Variants in RIPOR2 observed in about 807,000 individuals in gnomAD.
RIPOR2 encodes the protein rho family-interacting cell polarization regulator 2.
A neutral mutation model predicts 114.5 loss-of-function variants in RIPOR2; 39 were observed. The observed-to-expected ratio is 0.34, with a 90% CI of 0.26 to 0.44. RIPOR2 has a LOEUF of 0.44. RIPOR2 is among the 20% of genes least tolerant of loss of function. The pLI, the probability that RIPOR2 is intolerant of heterozygous loss-of-function variation, is 1.00. For missense variants in RIPOR2, 1,007 were observed against 1,255.1 expected (o/e 0.80, Z 2.99); for synonymous variants, 445 against 484.4 (o/e 0.92, Z 1.07).
intron 7 of RIPOR2, 45 bp downstream of exon 7, chr6:24,865,256 A>G (rs776394436): frequency 3.3e-6 from 5 of 1,518,830 alleles, no homozygotes; most frequent in Non-Finnish European, 4.5e-6. Context: ...AATTCACACC[A>G]GGCCAGATGG....
chr6:24,828,320 G>A, intron 17 of RIPOR2, 25 bp from the exon 18 acceptor site: 1 of 1,517,780 alleles, frequency 6.6e-7, no homozygotes, highest in African/African-American at 1.4e-5. Context: ...AAGACACAAA[G>A]CAGCTTTAGA....
In RIPOR2 at chr6:24,809,726, A is replaced by G. The variant is rs1270664644; in HGVS notation, c.3034T>C (p.Leu1012=). The G allele has an allele frequency of 1.3e-6, 2 of 1,543,754 alleles. No homozygotes were observed. The highest frequency in any genetic ancestry group is 1.2e-5 in the South Asian group (1 of 83,910). ...EIRNVASETL[L]SLGEDGRLAY... is the part of the protein sequence containing the mutation. The stretch of plus-strand genomic sequence containing the variant: ...CAACAATAAAACTCACCCAGAGACA[A>G]GAGGGTTTCTGAGGCCACATTTCTG... Residue 1012 remains leucine, a synonymous_variant, in exon 21 of 22, where the codon TTG becomes CTG. Transcript: ENST00000643898.
At chr6:25,014,800 G>T (rs1231821074) in intron 1 of RIPOR2, among the ~76,000 whole-genome samples, 3 of 152,208 alleles carry the variant, frequency 2.0e-5, no homozygotes, top group African/African-American at 7.2e-5. Flanking sequence ...ATTATTATGA[G>T]TTGAAATTTT....
chr6:25,031,712 T>G (rs1432787254), intron 1 of RIPOR2, among the ~76,000 whole-genome samples: 57 of 33,968 alleles, frequency 1.7e-3, no homozygotes, highest in African/African-American at 6.4e-3. Flanking sequence ...TATATATATA[T>G]ATATATATAT....
intron 1 of RIPOR2, among the ~76,000 whole-genome samples, chr6:25,035,950 G>A (rs1251538327): frequency 1.3e-5 from 2 of 152,180 alleles, no homozygotes; most frequent in African/African-American, 2.4e-5. Flanking sequence ...AGAGCTGCAC[G>A]TGCAGTGAGG....
chr6:24,846,019 G>A (rs1304149797), intron 12 of RIPOR2, among the ~76,000 whole-genome samples: 1 of 152,082 alleles, frequency 6.6e-6, no homozygotes, highest in African/African-American at 2.4e-5. Context: ...GAGGACCTTT[G>A]CATTTATCTA....
chr6:24,842,764 C>A, intron 13 of RIPOR2, 98 bp downstream of exon 13: 1 of 594,404 alleles, frequency 1.7e-6, no homozygotes, highest in Non-Finnish European at 2.6e-6. Flanking sequence ...TGTGATTGGA[C>A]AGGATTTTTT....
In RIPOR2 at chr6:24,848,177, G is replaced by A. The variant is rs568869995; in HGVS notation, c.1035-23C>T. On this transcript the variant is annotated intron_variant, in intron 11 of 21. Coordinates refer to ENST00000643898, the MANE Select transcript of RIPOR2 (RefSeq NM_001286445.3). ...GGACTGCAAAACAACAGGTCCCCAGGTATGCACATTTGGCAAAATCACCTA... is the reference window on the plus strand; with the variant it reads ...GGACTGCAAAACAACAGGTCCCCAGATATGCACATTTGGCAAAATCACCTA... The A allele has an allele frequency of 6.4e-5, 103 of 1,611,492 alleles. 1 individual carries two copies. In the South Asian group the frequency reaches 8.8e-4, roughly 14 times the overall value.
intron 1 of RIPOR2, among the ~76,000 whole-genome samples, chr6:24,978,657 G>T (rs910194046): frequency 2.0e-5 from 3 of 152,100 alleles, no homozygotes; most frequent in Non-Finnish European, 4.4e-5. Context: ...TGGGAATATT[G>T]CTCTGCGATA....
intron 18 of RIPOR2, among the ~76,000 whole-genome samples, chr6:24,826,722 A>G (rs1349260409): frequency 1.3e-5 from 2 of 152,216 alleles, no homozygotes; most frequent in East Asian, 3.8e-4. Context: ...ATAATCTAAT[A>G]CAAATGCTTT....
intron 11 of RIPOR2, 91 bp downstream of exon 11, chr6:24,849,710 CT>C (rs1177880632): frequency 2.6e-6 from 3 of 1,150,126 alleles, no homozygotes; most frequent in African/African-American, 1.5e-5. Flanking sequence ...AACAAGCTCC[CT>C]GGTGATGCGG....
At chr6:24,976,633 G>C in intron 1 of RIPOR2, 2 of 1,609,720 alleles carry the variant, frequency 1.2e-6, no homozygotes, top group Non-Finnish European at 8.5e-7. Flanking sequence ...TGGTTATAAG[G>C]GTTCCTGCTT....
At chr6:24,927,130 CT>C (rs1561782374) in intron 1 of RIPOR2, among the ~76,000 whole-genome samples, 139 of 4,876 alleles carry the variant, frequency 0.029, 66 homozygotes, top group Admixed American at 0.15. Context: ...TAATCATCAT[CT>C]CACTACCACC....
In RIPOR2 at chr6:24,828,150, C is replaced by T; in HGVS notation, c.2652G>A (p.Gln884=). The change falls in exon 18 of 22, where the codon CAG becomes CAA. Residue 884 remains glutamine, a synonymous_variant. Transcript: ENST00000643898. ...AACATGTCCCACCTTGCCTGGCCAG[C>T]TGGCTCAGGTAACTCTCCAGGTCAC... ...GVSDLESYLS[Q]LARQVSMVQT... 1.3e-6 allele frequency: 2 copies of T among 1,547,144 alleles called. No homozygotes were observed. Among genetic ancestry groups the T allele is most frequent in the East Asian group, 2.5e-5 (1 of 40,648 alleles).
chr6:24,844,501 C>A (rs9366586), intron 12 of RIPOR2, among the ~76,000 whole-genome samples: 117,040 of 150,880 alleles, frequency 0.78, 46,766 homozygotes, highest in East Asian at 0.95. Flanking sequence ...ACAGAGTTTC[C>A]CTTTTGTTGC....
At chr6:25,028,435 T>C (rs7743187) in intron 1 of RIPOR2, among the ~76,000 whole-genome samples, 118,163 of 152,214 alleles carry the variant, frequency 0.78, 46,321 homozygotes, top group African/African-American at 0.87. Flanking sequence ...TGTGTCTGAA[T>C]GTTGGCTCTG....
At chr6:24,835,513 G>A (rs867724816) in intron 15 of RIPOR2, among the ~76,000 whole-genome samples, 190 bp downstream of exon 15, 2 of 152,248 alleles carry the variant, frequency 1.3e-5, no homozygotes, top group South Asian at 2.1e-4. Context: ...AGTTAGGTTC[G>A]AAGATGAAAA....
intron 11 of RIPOR2, among the ~76,000 whole-genome samples, chr6:24,848,391 C>T (rs376452256): frequency 6.6e-6 from 1 of 152,162 alleles, no homozygotes; most frequent in South Asian, 2.1e-4. Context: ...GCTCTAAGCA[C>T]AATTTAGCTA....
At chr6:24,856,802 C>T (rs1215211409) in intron 8 of RIPOR2, among the ~76,000 whole-genome samples, 1 of 152,008 alleles carries the variant, frequency 6.6e-6, no homozygotes. Flanking sequence ...TAATCTATTG[C>T]CTGTTTATGT....
Sources: gnomAD v4.1 joint callset for allele counts (sites outside exome capture counted in the v4.1 genomes callset) on GRCh38, gnomAD v4.1.1 for gene constraint, MANE v1.5 for transcripts, NCBI Gene and HGNC (gene_info 2026-07-23, HGNC 2026-07-21) for gene names.